CPLANE1: variants seen among roughly 807,000 people sequenced by gnomAD.
The protein encoded by CPLANE1 is ciliogenesis and planar polarity effector complex subunit 1.
In CPLANE1, 263 loss-of-function variants were observed where a neutral mutation model predicts 362.5. The observed-to-expected ratio is 0.73, with a 90% CI of 0.66 to 0.80. CPLANE1 has a LOEUF of 0.80. Ranked by LOEUF, CPLANE1 falls within the 30% of genes least tolerant of loss-of-function variation. CPLANE1 has a pLI of 0.00. For synonymous variants in CPLANE1, 1,212 were observed against 1,302.6 expected, an observed-to-expected ratio of 0.93 and a Z score of 1.50; for missense variants, 3,461 against 3,793.4, an observed-to-expected ratio of 0.91 and a Z score of 2.30.
downstream of CPLANE1, among the ~76,000 whole-genome samples, chr5:37,104,468 C>A (rs147632314): frequency 2.0e-5 from 3 of 151,648 alleles, no homozygotes; most frequent in African/African-American, 7.3e-5. Flanking sequence ...GGCATGATGG[C>A]ACGTGCCTTT....
At position 37,216,009 on chromosome 5, in the gene CPLANE1, A is replaced by T. The variant is rs568677245; in HGVS notation, c.2747-2277T>A. On this transcript the variant is annotated intron_variant, in intron 15 of 52. Transcript: ENST00000651892. Reference sequence around the variant, plus strand: ...ACCTTGACCGGCTAATTTTTTTTGTATTTTTTTGGTCAAGATGGGGTTTCG... The same window carrying T: ...ACCTTGACCGGCTAATTTTTTTTGTTTTTTTTTGGTCAAGATGGGGTTTCG... Among the ~76,000 whole-genome samples, 19 of 150,870 alleles carry T rather than the reference A, an allele frequency of 1.3e-4. No homozygotes were observed. The South Asian group carries it at 4.0e-3, about 32-fold the overall frequency.
chr5:37,188,347 A>G lies in CPLANE1; in HGVS notation c.3812-505T>C, dbSNP rs189718077. On this transcript the variant is annotated intron_variant, in intron 21 of 52. Coordinates refer to ENST00000651892, the MANE Select transcript of CPLANE1 (RefSeq NM_001384732.1). ...ACTCTTCTGCTAATCTTAAATTTCT[A>G]TTATAGTTAACATGTGACCAATTAA... Among the ~76,000 whole-genome samples, 18 of 152,346 alleles carry G rather than the reference A, an allele frequency of 1.2e-4. No individual in the cohort carries two copies. In the East Asian group the frequency reaches 3.1e-3, roughly 26 times the overall value.
rs1207720683 is a variant in CPLANE1, at chr5:37,244,498, G to T, written c.447C>A (p.Ile149=). 2 of 1,551,704 alleles carry T rather than the reference G, an allele frequency of 1.3e-6. No individual in the cohort carries two copies. The highest frequency in any genetic ancestry group is 1.7e-6 in the Non-Finnish European group (2 of 1,146,922). The change falls in exon 5 of 53, where the codon ATC becomes ATA. Residue 149 remains isoleucine, a synonymous_variant. Transcript: ENST00000651892. ...CCAATGAAAGGCTTTTAGAAGATAA[G>T]ATATTCTTTAATTCCAAATATTCCC... The part of the protein sequence containing the change: ...FLWEYLELKN[I]LSSKSLSLAG...
rs1490324804 is a variant in CPLANE1, at chr5:37,226,630, T to C, written c.1965A>G (p.Gln655=). Residue 655 remains glutamine, a synonymous_variant, in exon 12 of 53, where the codon CAA becomes CAG. Coordinates refer to ENST00000651892, the MANE Select transcript of CPLANE1 (RefSeq NM_001384732.1). ...SIHYWDIRYK[Q]DVGHLIKLTS... is the part of the protein sequence containing the mutation. The stretch of plus-strand genomic sequence containing the variant: ...TCAGCTTTATCAAATGCCCCACATC[T>C]TGTTTGTATCTTATATCCCAATAAT... 2 of 1,551,496 alleles carry C rather than the reference T, an allele frequency of 1.3e-6. No homozygotes were observed. Among genetic ancestry groups the C allele is most frequent in the South Asian group, 2.4e-5 (2 of 84,050 alleles).
chr5:37,225,256 T>C (rs1796201654), intron 12 of CPLANE1, among the ~76,000 whole-genome samples: 1 of 151,588 alleles, frequency 6.6e-6, no homozygotes, highest in South Asian at 2.1e-4. Context: ...TGCACCACAC[T>C]GTTTTTTTTT....
rs1769005166 is a variant in CPLANE1 at position 37,139,514 on chromosome 5, T to C, written c.8633-144A>G. ...GGTTTATAGATATATATTTACAGCA[T>C]ATTTATCCTCTTCCTGAATATGCTA... On this transcript the variant is annotated intron_variant, in intron 44 of 52. Coordinates refer to ENST00000651892, the MANE Select transcript of CPLANE1 (RefSeq NM_001384732.1). 5 of 1,130,940 alleles carry C rather than the reference T, an allele frequency of 4.4e-6. No homozygotes were observed. In the African/African-American group the frequency reaches 4.9e-5, roughly 11 times the overall value. 70.1% of individuals were successfully genotyped at this position (1,130,940 alleles called of 1,614,324 possible).
chr5:37,213,866 G>T, intron 15 of CPLANE1, 134 bp from the exon 16 acceptor site: 1 of 562,096 alleles, frequency 1.8e-6, no homozygotes, highest in Non-Finnish European at 2.9e-6. Context: ...GCCAATACAA[G>T]CTGAATTATA....
At chr5:37,094,009 T>TA in the CPLANE1 span, among the ~76,000 whole-genome samples, 2,971 of 50,344 alleles carry the variant, frequency 0.059, 110 homozygotes, top group African/African-American at 0.39. Flanking sequence ...CTGGGAGGGG[T>TA]GGAGCGCTGG....
chr5:37,169,650 T>A (rs1779201271), intron 33 of CPLANE1, 89 bp from the exon 34 acceptor site: 1 of 1,102,530 alleles, frequency 9.1e-7, no homozygotes, highest in Non-Finnish European at 1.3e-6. Flanking sequence ...TTGCAGTGGG[T>A]AGAATGTAGT....
intron 49 of CPLANE1, 149 bp from the exon 50 acceptor site, chr5:37,120,489 G>A: frequency 1.7e-6 from 1 of 582,082 alleles, no homozygotes; most frequent in Non-Finnish European, 2.8e-6. Flanking sequence ...AGGATCACTG[G>A]AACCCAGAGA....
chr5:37,231,435 C>T (rs997042200), intron 8 of CPLANE1, among the ~76,000 whole-genome samples: 3 of 152,088 alleles, frequency 2.0e-5, no homozygotes, highest in Non-Finnish European at 4.4e-5. Flanking sequence ...GGCGTGGTGG[C>T]GGGTGCCCAT....
chr5:37,104,506 A>G (rs1334989239), downstream of CPLANE1, among the ~76,000 whole-genome samples: 1 of 152,150 alleles, frequency 6.6e-6, no homozygotes, highest in Non-Finnish European at 1.5e-5. Context: ...AGGCTGAGAC[A>G]CAAGAATTGC....
intron 6 of CPLANE1, among the ~76,000 whole-genome samples, chr5:37,241,741 C>T (rs1800559550): frequency 6.6e-6 from 1 of 152,094 alleles, no homozygotes; most frequent in South Asian, 2.1e-4. Flanking sequence ...ATCCTCCCAC[C>T]TCAGCCTCCC....
At chr5:37,141,583 G>A in intron 44 of CPLANE1, 1 of 958,438 alleles carries the variant, frequency 1.0e-6, no homozygotes, top group Non-Finnish European at 1.2e-6. Context: ...ATTTAAAATA[G>A]CATTTTTACT....
chr5:37,151,431 T>C (rs191832289), intron 42 of CPLANE1, among the ~76,000 whole-genome samples: 36 of 152,316 alleles, frequency 2.4e-4, no homozygotes. Flanking sequence ...CTATCTTCTT[T>C]TATTAGATTT....
intron 41 of CPLANE1, 112 bp from the exon 42 acceptor site, chr5:37,154,105 A>T (rs1774340650): frequency 8.1e-6 from 7 of 862,546 alleles, no homozygotes; most frequent in Non-Finnish European, 1.2e-5. Flanking sequence ...CTACTTTCCA[A>T]ATCAGTTTTA....
intron 6 of CPLANE1, among the ~76,000 whole-genome samples, chr5:37,240,490 G>C (rs1355716488): frequency 6.6e-6 from 1 of 152,154 alleles, no homozygotes; most frequent in African/African-American, 2.4e-5. Flanking sequence ...AAGGAAATGG[G>C]GAGCAGCATT....
At chr5:37,211,168 G>T in intron 16 of CPLANE1, 1 of 1,293,182 alleles carries the variant, frequency 7.7e-7, no homozygotes, top group Non-Finnish European at 1.1e-6. Flanking sequence ...GTTCTAGCAG[G>T]TACGGTTGCA....
chr5:37,111,349 C>T (rs1445075631), intron 51 of CPLANE1, among the ~76,000 whole-genome samples: 6 of 151,712 alleles, frequency 4.0e-5, no homozygotes, highest in African/African-American at 1.5e-4. Context: ...TGGTCTTGAT[C>T]TCCTGACCTC....
Sources: allele counts gnomAD v4.1 joint callset (sites outside exome capture counted in the v4.1 genomes callset), GRCh38; gene constraint gnomAD v4.1.1; transcripts MANE v1.5; gene names NCBI Gene and HGNC (gene_info 2026-07-23, HGNC 2026-07-21).